Variants in SMAD3 observed in about 807,000 individuals in gnomAD.
SMAD3 encodes the protein SMAD family member 3.
Under a neutral mutation model 51.8 loss-of-function variants are expected in SMAD3, and 12 were observed. That is an observed-to-expected ratio of 0.23 (90% CI 0.15 to 0.38). The LOEUF is 0.38. SMAD3 is among the 10% of genes least tolerant of loss of function. The pLI is 1.00. For missense variants in SMAD3, 294 were observed against 565.6 expected (o/e 0.52, Z 4.87); for synonymous variants, 238 against 227.7 (o/e 1.05, Z -0.41).
chr15:67,191,035 G>GGCCCCC lies in SMAD3; in HGVS notation c.*499_*500insGCCCCC. 2.2e-5 allele frequency: 5 copies of GGCCCCC among 224,534 alleles called. No individual in the cohort carries two copies. The highest frequency in any genetic ancestry group is 4.4e-5 in the Non-Finnish European group (5 of 114,168). 13.9% of individuals were successfully genotyped at this position (224,534 alleles called of 1,614,324 possible). ...TCTTCCAGTGAACATTCCCAGCCCAGCCCCGCCCCGCCCCGCCCCACCACT... is the reference window on the plus strand; with the variant it reads ...TCTTCCAGTGAACATTCCCAGCCCAGGCCCCCCCCCGCCCCGCCCCGCCCCACCACT... On this transcript the variant is annotated 3_prime_UTR_variant, in exon 9 of 9. Transcript: ENST00000327367.
intron 1 of SMAD3, among the ~76,000 whole-genome samples, chr15:67,139,653 C>G (rs753056663): frequency 2.5e-4 from 38 of 152,142 alleles, no homozygotes; most frequent in Non-Finnish European, 4.4e-4. Context: ...CAAGCTCCCC[C>G]TCCTAAGCCA....
intron 1 of SMAD3, among the ~76,000 whole-genome samples, chr15:67,066,985 C>A (rs1042598707): frequency 1.3e-5 from 2 of 152,182 alleles, no homozygotes; most frequent in Admixed American, 6.5e-5. Context: ...TGAGCATGCA[C>A]GCACTTTGGT....
chr15:67,098,786 T>C (rs1267987541), intron 1 of SMAD3: 5 of 668,316 alleles, frequency 7.5e-6, no homozygotes, highest in South Asian at 6.5e-5. Context: ...GAAGTGGGCA[T>C]GGAGGGTCCT....
chr15:67,152,029 A>G (rs1241842150), intron 1 of SMAD3, among the ~76,000 whole-genome samples: 1 of 152,150 alleles, frequency 6.6e-6, no homozygotes, highest in Middle Eastern at 3.2e-3. Context: ...AAGCTATATA[A>G]TATATTATTG....
intron 6 of SMAD3, among the ~76,000 whole-genome samples, chr15:67,182,129 G>A (rs1963078127): frequency 6.6e-6 from 1 of 152,182 alleles, no homozygotes; most frequent in South Asian, 2.1e-4. Context: ...CAGATGGATA[G>A]GTTGATAAGT....
chr15:67,131,935 G>A (rs913960586), intron 1 of SMAD3, among the ~76,000 whole-genome samples: 1 of 152,140 alleles, frequency 6.6e-6, no homozygotes, highest in Non-Finnish European at 1.5e-5. Context: ...TGTGAACCTT[G>A]TGAAAACATC....
chr15:67,096,867 A>G (rs1960626138), intron 1 of SMAD3, among the ~76,000 whole-genome samples: 1 of 152,210 alleles, frequency 6.6e-6, no homozygotes, highest in Non-Finnish European at 1.5e-5. Context: ...GAAGATTCCA[A>G]GCTTCCAGGT....
At chr15:67,188,466 T>C (rs1374951768) in intron 8 of SMAD3, among the ~76,000 whole-genome samples, 2 of 152,170 alleles carry the variant, frequency 1.3e-5, no homozygotes, top group Non-Finnish European at 2.9e-5. Flanking sequence ...ATGGCCCTGA[T>C]ATAGTCAGGT....
chr15:67,151,976 CTATG>C (rs1011435773), intron 1 of SMAD3, among the ~76,000 whole-genome samples: 8 of 151,986 alleles, frequency 5.3e-5, no homozygotes, highest in South Asian at 4.2e-4. Context: ...TAATTGTAAA[CTATG>C]TAATAATAAT....
chr15:67,137,788 A>C (rs1961703261), intron 1 of SMAD3, among the ~76,000 whole-genome samples: 1 of 152,224 alleles, frequency 6.6e-6, no homozygotes. Context: ...TCTGGCCAGA[A>C]GGCCCATAGG....
chr15:67,161,985 C>T (rs1272108849), intron 1 of SMAD3, among the ~76,000 whole-genome samples: 1 of 152,134 alleles, frequency 6.6e-6, no homozygotes, highest in East Asian at 1.9e-4. Flanking sequence ...CTGGTAATTA[C>T]TGTTTTTCAG....
intron 5 of SMAD3, 179 bp downstream of exon 5, chr15:67,170,783 T>C (rs1275393497): frequency 1.7e-6 from 1 of 596,912 alleles, no homozygotes; most frequent in Non-Finnish European, 3.0e-6. Context: ...TGGGGAAACT[T>C]GAGAACAGTG....
intron 1 of SMAD3, among the ~76,000 whole-genome samples, chr15:67,091,239 C>G (rs1402466298): frequency 6.6e-6 from 1 of 152,244 alleles, no homozygotes; most frequent in Non-Finnish European, 1.5e-5. Context: ...CCTGCTCCCC[C>G]AGCCGTCTCC....
intron 1 of SMAD3, among the ~76,000 whole-genome samples, chr15:67,145,205 C>T (rs1197864339): frequency 6.6e-6 from 1 of 152,106 alleles, no homozygotes; most frequent in Non-Finnish European, 1.5e-5. Context: ...ATATCTGGTC[C>T]AGCCTGCCCA....
chr15:67,072,850 A>G (rs903395610), intron 1 of SMAD3, among the ~76,000 whole-genome samples: 1 of 152,212 alleles, frequency 6.6e-6, no homozygotes. Flanking sequence ...CCCACCCTAC[A>G]GAAGTTTGGT....
chr15:67,101,326 T>C (rs1407377203), intron 1 of SMAD3, among the ~76,000 whole-genome samples: 2 of 152,246 alleles, frequency 1.3e-5, no homozygotes, highest in Non-Finnish European at 2.9e-5. Context: ...TTTCAAACCC[T>C]GTTGGCCCCA....
intron 1 of SMAD3, among the ~76,000 whole-genome samples, chr15:67,113,076 G>GTATGTATATATA (rs1555408270): frequency 2.9e-5 from 1 of 34,972 alleles, no homozygotes; most frequent in Non-Finnish European, 5.8e-5. Flanking sequence ...ATATATATGT[G>GTATGTATATATA]TATATATATA....
At chr15:67,175,339 G>A (rs902252472) in intron 5 of SMAD3, among the ~76,000 whole-genome samples, 1 of 152,156 alleles carries the variant, frequency 6.6e-6, no homozygotes, top group Non-Finnish European at 1.5e-5. Flanking sequence ...GGGGCAGCTT[G>A]GAGTGAGAGG....
At chr15:67,135,926 ACCT>A (rs2140258088) in intron 1 of SMAD3, among the ~76,000 whole-genome samples, 1 of 152,120 alleles carries the variant, frequency 6.6e-6, no homozygotes, top group South Asian at 2.1e-4. Flanking sequence ...TCTGCTGAAG[ACCT>A]CCTGTTACTC....
Sources: gnomAD v4.1 joint callset for allele counts (sites outside exome capture counted in the v4.1 genomes callset) on GRCh38, gnomAD v4.1.1 for gene constraint, MANE v1.5 for transcripts, NCBI Gene and HGNC (gene_info 2026-07-23, HGNC 2026-07-21) for gene names.